The following GIGYF2 variants were observed in gnomAD, a reference collection of about 807,000 sequenced individuals.
The protein encoded by GIGYF2 is GRB10-interacting GYF protein 2.
In GIGYF2, 25 loss-of-function variants were observed where a neutral mutation model predicts 208.1. The observed-to-expected ratio is 0.12, with a 90% CI of 0.09 to 0.17. The LOEUF (loss-of-function observed/expected upper bound fraction) is 0.17. Ranked by LOEUF, GIGYF2 falls within the 10% of genes least tolerant of loss-of-function variation. The probability of loss-of-function intolerance (pLI) is 1.00; values close to 1 mark genes in which losing one functional copy is unlikely to be tolerated. For missense variants in GIGYF2, 1,302 were observed against 1,579.4 expected (o/e 0.82, Z 2.98); for synonymous variants, 534 against 543.8 (o/e 0.98, Z 0.25).
chr2:232,833,258 C>G (rs1196477746), intron 22 of GIGYF2, 165 bp downstream of exon 22: 1 of 295,600 alleles, frequency 3.4e-6, no homozygotes, highest in African/African-American at 2.2e-5. Flanking sequence ...CTCCCATCAC[C>G]CAGGCTGGAG....
rs776423232 is a variant in GIGYF2, at chr2:232,819,958, G to A, written c.2502G>A (p.Arg834=). ...EERRREEEER[R]KQEELLRKQE... is the part of the protein sequence containing the mutation. ...GGAGAAGAGAAGAGGAAGAAAGGCGGAAGCAGGAAGAATTGTTACGCAAAC... is the reference window on the plus strand; with the variant it reads ...GGAGAAGAGAAGAGGAAGAAAGGCGAAAGCAGGAAGAATTGTTACGCAAAC... Residue 834 remains arginine, a synonymous_variant, in exon 21 of 29, where the codon CGG becomes CGA. Transcript: ENST00000373563. The A allele has an allele frequency of 3.7e-6, 6 of 1,610,068 alleles. No homozygotes were observed. The East Asian group carries it at 8.9e-5, about 24-fold the overall frequency.
chr2:232,812,382 C>A lies in GIGYF2; in HGVS notation c.2007-9C>A. 1.7e-6 allele frequency: 2 copies of A among 1,158,466 alleles called. No homozygotes were observed. Among genetic ancestry groups the A allele is most frequent in the Non-Finnish European group, 2.6e-6 (2 of 767,870 alleles). 71.8% of individuals were successfully genotyped at this position (1,158,466 alleles called of 1,614,324 possible). On this transcript the variant is annotated splice_polypyrimidine_tract_variant and intron_variant, in intron 17 of 28. Transcript: ENST00000373563. ...AAGAACAAGTTAATTTTTTATTTCC[C>A]TTTTGCAGAATATCTGATCAGAACA...
intron 8 of GIGYF2, chr2:232,770,956 G>A (rs779781039): frequency 6.2e-7 from 1 of 1,614,038 alleles, no homozygotes; most frequent in East Asian, 2.2e-5. Flanking sequence ...GGCAAGTAAG[G>A]CGATTGCACT....
chr2:232,723,274 CAG>C lies in GIGYF2; in HGVS notation c.-43-11877_-43-11876del, dbSNP rs372248208. Among the ~76,000 whole-genome samples, 29 of 152,296 alleles carry C rather than the reference CAG, an allele frequency of 1.9e-4. 1 individual carries two copies. The highest frequency in any genetic ancestry group is 6.5e-4 in the African/African-American group (27 of 41,558). The stretch of plus-strand genomic sequence containing the variant: ...GAAACCCTAATACTTCCTGCCTTCT[CAG>C]AGATTTCATTTACATAATATTTTTA... On this transcript the variant is annotated intron_variant, in intron 2 of 28. Coordinates refer to ENST00000373563, the MANE Select transcript of GIGYF2 (RefSeq NM_001103146.3).
chr2:232,799,879 T>A (rs1700341513), intron 14 of GIGYF2, among the ~76,000 whole-genome samples: 1 of 152,118 alleles, frequency 6.6e-6, no homozygotes, highest in Non-Finnish European at 1.5e-5. Flanking sequence ...TCATAAGGAA[T>A]GTTAAGCATC....
At chr2:232,817,758 T>C (rs886596274) in intron 20 of GIGYF2, among the ~76,000 whole-genome samples, 2 of 152,248 alleles carry the variant, frequency 1.3e-5, no homozygotes, top group African/African-American at 4.8e-5. Flanking sequence ...CCATTCCTAT[T>C]TTGTTTATCC....
rs1690655598 is a variant in GIGYF2 at position 232,858,485 on chromosome 2, C to T, written c.*1625C>T. The T allele has an allele frequency of 2.2e-6, 1 of 456,076 alleles. No individual in the cohort carries two copies. The highest frequency in any genetic ancestry group is 1.6e-5 in the South Asian group (1 of 64,502). The allele number at this position is 456,076 out of a possible 1,614,324, so 28.3% of individuals were successfully genotyped here. A position where few individuals can be genotyped will look rare whatever the true frequency, so the allele number is the denominator to read the frequency against. On this transcript the variant is annotated 3_prime_UTR_variant, in exon 29 of 29. Transcript: ENST00000373563. ...AAACCATTAAAAGTTGGGGCTCCTA[C>T]TCTCCTTTGCTTTGTAAATTCAAAA...
intron 8 of GIGYF2, chr2:232,771,182 A>C: frequency 1.9e-6 from 3 of 1,613,950 alleles, no homozygotes; most frequent in Non-Finnish European, 2.5e-6. Flanking sequence ...AAAGAAGCAG[A>C]AAAGACCAAC....
chr2:232,769,936 T>C (rs1441459202), intron 8 of GIGYF2, among the ~76,000 whole-genome samples: 3 of 152,226 alleles, frequency 2.0e-5, no homozygotes, highest in African/African-American at 7.2e-5. Flanking sequence ...AAAATATTTA[T>C]GATTTCTGTT....
Position 232,701,487 on chromosome 2 carries a change from C to T in GIGYF2, c.-109-1937C>T, listed in dbSNP as rs561261011. 2.3e-4 allele frequency among the ~76,000 whole-genome samples: 35 copies of T among 150,178 alleles called. 1 individual carries two copies. The highest frequency in any genetic ancestry group is 7.5e-4 in the African/African-American group (31 of 41,112). ...CTCTGTCACCTAGGCTGGAGGGCAG[C>T]GGTGCAATCACCACTGACTGTAACC... On this transcript the variant is annotated intron_variant, in intron 1 of 28. Coordinates refer to ENST00000373563, the MANE Select transcript of GIGYF2 (RefSeq NM_001103146.3).
chr2:232,700,110 A>G (rs1695778806), intron 1 of GIGYF2, among the ~76,000 whole-genome samples: 1 of 152,202 alleles, frequency 6.6e-6, no homozygotes, highest in Non-Finnish European at 1.5e-5. Context: ...GCATATGTGA[A>G]AAACACTTTG....
intron 3 of GIGYF2, among the ~76,000 whole-genome samples, chr2:232,742,031 A>G: frequency 6.8e-6 from 1 of 146,720 alleles, no homozygotes; most frequent in East Asian, 1.9e-4. Flanking sequence ...TCTCCTTCCT[A>G]GCACCTCTCT....
At chr2:232,831,076 A>G (rs1464562878) in intron 21 of GIGYF2, among the ~76,000 whole-genome samples, 3 of 152,192 alleles carry the variant, frequency 2.0e-5, no homozygotes, top group African/African-American at 7.2e-5. Context: ...CATTTTCATC[A>G]CATCAAATCA....
At chr2:232,802,327 C>G (rs1700423472) in intron 14 of GIGYF2, among the ~76,000 whole-genome samples, 1 of 151,866 alleles carries the variant, frequency 6.6e-6, no homozygotes, top group Non-Finnish European at 1.5e-5. Flanking sequence ...CCTTCGCTAT[C>G]TCCTAATGTT....
At chr2:232,707,431 C>T (rs1696170162) in intron 2 of GIGYF2, among the ~76,000 whole-genome samples, 2 of 152,062 alleles carry the variant, frequency 1.3e-5, no homozygotes, top group African/African-American at 4.8e-5. Context: ...TAAATCATGG[C>T]TTAGGTCTTA....
intron 9 of GIGYF2, among the ~76,000 whole-genome samples, chr2:232,789,120 G>C (rs1458951987): frequency 6.6e-6 from 1 of 152,118 alleles, no homozygotes; most frequent in Admixed American, 6.6e-5. Flanking sequence ...TTTAGATGTA[G>C]GGTCTGTAAA....
At chr2:232,843,654 G>A (rs532627194) in intron 23 of GIGYF2, among the ~76,000 whole-genome samples, 5 of 151,244 alleles carry the variant, frequency 3.3e-5, no homozygotes, top group South Asian at 4.2e-4. Flanking sequence ...TGGGCAGATC[G>A]CTTGAGGCCA....
chr2:232,749,983 G>A (rs889481688), intron 5 of GIGYF2, among the ~76,000 whole-genome samples: 7 of 152,012 alleles, frequency 4.6e-5, no homozygotes, highest in African/African-American at 1.7e-4. Context: ...TCAGGAGTTC[G>A]AGACTAGCCT....
At chr2:232,817,068 C>A (rs781485674) in intron 20 of GIGYF2, 36 bp downstream of exon 20, 5 of 1,474,282 alleles carry the variant, frequency 3.4e-6, no homozygotes, top group Non-Finnish European at 1.9e-6. Flanking sequence ...AGGATTAGTG[C>A]TTGATGAGGG....
Sources: gnomAD v4.1 joint callset for allele counts (sites outside exome capture counted in the v4.1 genomes callset) on GRCh38, gnomAD v4.1.1 for gene constraint, MANE v1.5 for transcripts, NCBI Gene and HGNC (gene_info 2026-07-23, HGNC 2026-07-21) for gene names.